RASSF8: variants seen among roughly 807,000 people sequenced by gnomAD.
The protein encoded by RASSF8 is ras association domain-containing protein 8.
In RASSF8, 22 loss-of-function variants were observed where a neutral mutation model predicts 48.5. The ratio of observed to expected loss-of-function variants is 0.45; its 90% CI spans 0.32 to 0.65. The LOEUF is 0.65. RASSF8 is among the 30% of genes least tolerant of loss of function. The pLI, the probability that RASSF8 is intolerant of heterozygous loss-of-function variation, is 0.03. For missense variants in RASSF8, 418 were observed against 489.2 expected (o/e 0.85, Z 1.37); for synonymous variants, 127 against 171.5 (o/e 0.74, Z 2.03).
At chr12:26,046,564 C>T (rs1461631329) in intron 2 of RASSF8, among the ~76,000 whole-genome samples, 2 of 152,184 alleles carry the variant, frequency 1.3e-5, no homozygotes, top group African/African-American at 4.8e-5. Flanking sequence ...TGCCTGGGCA[C>T]AGTGGCTCAG....
intron 2 of RASSF8, among the ~76,000 whole-genome samples, chr12:25,997,750 G>A (rs1942165731): frequency 6.6e-6 from 1 of 152,156 alleles, no homozygotes; most frequent in African/African-American, 2.4e-5. Context: ...ATCCAGGCCT[G>A]AAGAATTTCA....
intron 2 of RASSF8, among the ~76,000 whole-genome samples, chr12:26,049,243 G>T (rs1943439289): frequency 2.0e-5 from 3 of 152,188 alleles, no homozygotes; most frequent in Non-Finnish European, 4.4e-5. Context: ...GGGAAGAAAT[G>T]ACTTTTTAGT....
intron 1 of RASSF8, among the ~76,000 whole-genome samples, chr12:25,982,166 A>G (rs1941760532): frequency 6.6e-6 from 1 of 152,194 alleles, no homozygotes; most frequent in African/African-American, 2.4e-5. Flanking sequence ...TATAGAAGGC[A>G]TGTTAATCAA....
chr12:26,051,234 C>A (rs1309676854), intron 2 of RASSF8, among the ~76,000 whole-genome samples: 1 of 152,102 alleles, frequency 6.6e-6, no homozygotes, highest in Non-Finnish European at 1.5e-5. Context: ...TGCATGGTGC[C>A]TAACATGTAA....
At chr12:26,012,406 T>C (rs1316182775) in intron 2 of RASSF8, among the ~76,000 whole-genome samples, 1 of 152,188 alleles carries the variant, frequency 6.6e-6, no homozygotes, top group African/African-American at 2.4e-5. Flanking sequence ...TGGCAATGAA[T>C]ATTTGAGTAT....
chr12:26,071,535 C>CT lies in RASSF8; in HGVS notation c.*2718dup. On this transcript the variant is annotated 3_prime_UTR_variant, in exon 6 of 6. Transcript: ENST00000689635. ...TTGGTATATTTGACCTTTTGAGTGT[C>CT]TGTCATCCTCAGAGAATGGCCCATA... 1.0e-6 allele frequency: 1 copy of CT among 975,650 alleles called. No homozygotes were observed. The highest frequency in any genetic ancestry group is 1.2e-6 in the Non-Finnish European group (1 of 821,036). The allele number at this position is 975,650 out of a possible 1,614,324, so 60.4% of individuals were successfully genotyped here. A position where few individuals can be genotyped will look rare whatever the true frequency, so the allele number is the denominator to read the frequency against.
chr12:26,010,743 A>G (rs768937090), intron 2 of RASSF8, among the ~76,000 whole-genome samples: 6 of 152,018 alleles, frequency 3.9e-5, no homozygotes, highest in Non-Finnish European at 7.4e-5. Context: ...GAACAATTCT[A>G]TTGTTGGTGA....
chr12:25,966,964 G>A (rs925500433), intron 1 of RASSF8, among the ~76,000 whole-genome samples: 5 of 152,196 alleles, frequency 3.3e-5, no homozygotes, highest in African/African-American at 1.2e-4. Flanking sequence ...AGTTATGGAT[G>A]GAAGTTAATT....
chr12:26,048,830 C>T (rs540720370), intron 2 of RASSF8, among the ~76,000 whole-genome samples: 100 of 152,064 alleles, frequency 6.6e-4, no homozygotes, highest in African/African-American at 2.3e-3. Context: ...CTTGGCTCAC[C>T]GCAACCTCCA....
chr12:25,969,515 T>C (rs759840751), intron 1 of RASSF8, among the ~76,000 whole-genome samples: 1 of 152,112 alleles, frequency 6.6e-6, no homozygotes, highest in African/African-American at 2.4e-5. Context: ...CAAGGGGAAG[T>C]AAGGCTAGAA....
intron 1 of RASSF8, chr12:25,974,033 T>C (rs942119788): frequency 1.3e-5 from 2 of 151,972 alleles, no homozygotes; most frequent in African/African-American, 4.8e-5. Flanking sequence ...GAGGTTGCAG[T>C]TTGAGCAAAA....
chr12:25,967,461 T>C (rs1019313089), intron 1 of RASSF8, among the ~76,000 whole-genome samples: 1 of 152,196 alleles, frequency 6.6e-6, no homozygotes, highest in Non-Finnish European at 1.5e-5. Context: ...TTAATTTTAA[T>C]TTTTCTATTC....
At chr12:25,963,030 C>T (rs1376514866) in intron 1 of RASSF8, among the ~76,000 whole-genome samples, 1 of 152,130 alleles carries the variant, frequency 6.6e-6, no homozygotes, top group African/African-American at 2.4e-5. Flanking sequence ...AAAAATCTTA[C>T]TGTGCCTTAC....
chr12:25,968,015 T>C (rs999711834), intron 1 of RASSF8, among the ~76,000 whole-genome samples: 5 of 152,230 alleles, frequency 3.3e-5, no homozygotes, highest in Admixed American at 3.3e-4. Context: ...CCTTGACTTT[T>C]TGCTTTGGGC....
chr12:25,993,718 C>T (rs917980809), intron 1 of RASSF8, among the ~76,000 whole-genome samples: 4 of 152,054 alleles, frequency 2.6e-5, no homozygotes, highest in African/African-American at 9.7e-5. Context: ...CTTTTATCTT[C>T]TTTAGGAGGT....
intron 2 of RASSF8, among the ~76,000 whole-genome samples, chr12:26,018,800 T>C (rs1565621218): frequency 6.6e-6 from 1 of 152,232 alleles, no homozygotes; most frequent in African/African-American, 2.4e-5. Flanking sequence ...GATGTTGGCC[T>C]CTTGGCAATC....
intron 2 of RASSF8, among the ~76,000 whole-genome samples, chr12:26,014,723 AG>A (rs1383549216): frequency 6.6e-6 from 1 of 152,214 alleles, no homozygotes; most frequent in Non-Finnish European, 1.5e-5. Flanking sequence ...GAAACTTTGA[AG>A]TTTTCATTAA....
At chr12:26,014,252 C>A (rs1162005322) in intron 2 of RASSF8, among the ~76,000 whole-genome samples, 2 of 152,318 alleles carry the variant, frequency 1.3e-5, no homozygotes, top group African/African-American at 4.8e-5. Context: ...ATGCCCATGG[C>A]AGACATAATT....
At chr12:25,978,335 A>G (rs1280805863) in intron 1 of RASSF8, among the ~76,000 whole-genome samples, 1 of 152,220 alleles carries the variant, frequency 6.6e-6, no homozygotes, top group East Asian at 1.9e-4. Flanking sequence ...GAGACTGGCC[A>G]GCTGCGTCTA....
Sources: gnomAD v4.1 joint callset for allele counts (sites outside exome capture counted in the v4.1 genomes callset) on GRCh38, gnomAD v4.1.1 for gene constraint, MANE v1.5 for transcripts, NCBI Gene and HGNC (gene_info 2026-07-23, HGNC 2026-07-21) for gene names.